CAMKMT: variants seen among roughly 807,000 people sequenced by gnomAD.
CAMKMT encodes calmodulin-lysine N-methyltransferase.
A neutral mutation model predicts 48.0 loss-of-function variants in CAMKMT; 53 were observed. The ratio of observed to expected loss-of-function variants is 1.10; its 90% CI spans 0.89 to 1.39. CAMKMT has a LOEUF of 1.39. Among genes scored for constraint, CAMKMT ranks in the 40% most tolerant of loss-of-function variants. The pLI is 0.00. For missense variants in CAMKMT, 428 were observed against 402.7 expected, an observed-to-expected ratio of 1.06 and a Z score of -0.54; for synonymous variants, 165 against 152.3, an observed-to-expected ratio of 1.08 and a Z score of -0.61.
intron 3 of CAMKMT, among the ~76,000 whole-genome samples, chr2:44,422,339 T>C (rs1225116355): frequency 6.6e-6 from 1 of 152,232 alleles, no homozygotes; most frequent in East Asian, 1.9e-4. Context: ...GGTATTTCTT[T>C]ATAGCAATGC....
intron 3 of CAMKMT, among the ~76,000 whole-genome samples, chr2:44,508,257 G>A (rs1670360965): frequency 6.6e-6 from 1 of 152,150 alleles, no homozygotes. Flanking sequence ...CATGAGAGTT[G>A]CCTAATTTGC....
intron 3 of CAMKMT, among the ~76,000 whole-genome samples, chr2:44,445,645 G>GTTTTTTTTTTTT (rs869258613): frequency 3.0e-5 from 3 of 101,430 alleles, no homozygotes; most frequent in East Asian, 4.3e-4. Flanking sequence ...CAAAAGGGTA[G>GTTTTTTTTTTTT]TTTTTTTTTT....
At chr2:44,428,441 A>G (rs980957400) in intron 3 of CAMKMT, among the ~76,000 whole-genome samples, 2 of 152,168 alleles carry the variant, frequency 1.3e-5, no homozygotes, top group Non-Finnish European at 2.9e-5. Context: ...TTTTATGGGC[A>G]CATGATAGGA....
intron 10 of CAMKMT, among the ~76,000 whole-genome samples, chr2:44,770,253 C>T (rs1318339444): frequency 1.3e-5 from 2 of 152,162 alleles, no homozygotes; most frequent in African/African-American, 4.8e-5. Context: ...AGAAATGATC[C>T]AGGGCTGGGT....
intron 2 of CAMKMT, among the ~76,000 whole-genome samples, chr2:44,384,997 T>G (rs1343618391): frequency 6.6e-6 from 1 of 152,176 alleles, no homozygotes; most frequent in Non-Finnish European, 1.5e-5. Context: ...TTTAGAATTG[T>G]TTTTTCTAAT....
intron 3 of CAMKMT, 123 bp downstream of exon 3, chr2:44,390,428 A>T (rs1264205521): frequency 1.5e-5 from 9 of 603,822 alleles, no homozygotes; most frequent in Admixed American, 3.9e-5. Context: ...TGTATATATA[A>T]TAGAAAGTTT....
At chr2:44,456,871 CTT>C in intron 3 of CAMKMT, 1 of 356,580 alleles carries the variant, frequency 2.8e-6, no homozygotes, top group Non-Finnish European at 5.0e-6. Flanking sequence ...GATACTAACT[CTT>C]AACTCATTCA....
At chr2:44,520,312 C>A (rs914329610) in intron 3 of CAMKMT, among the ~76,000 whole-genome samples, 1 of 152,072 alleles carries the variant, frequency 6.6e-6, no homozygotes, top group Non-Finnish European at 1.5e-5. Context: ...TAGTCTAGAA[C>A]TACTACCCTC....
intron 3 of CAMKMT, among the ~76,000 whole-genome samples, chr2:44,409,183 GTATATT>G (rs1683018023): frequency 3.1e-4 from 4 of 12,998 alleles, no homozygotes; most frequent in Non-Finnish European, 3.3e-4. Context: ...ATATATATAT[GTATATT>G]GCTACATAAA....
Position 44,390,291 on chromosome 2 carries a change from A to G in CAMKMT, c.362A>G (p.Asn121Ser), listed in dbSNP as rs1291876202. The G allele has an allele frequency of 1.6e-5, 25 of 1,606,696 alleles. No individual in the cohort carries two copies. Among genetic ancestry groups the G allele is most frequent in the Non-Finnish European group, 2.1e-5 (25 of 1,175,832 alleles). The stretch of plus-strand genomic sequence containing the variant: ...GAAGATGTCCTTACCAGCTTTGACA[A>G]TACAGGAAATGTTTGTAAGTTATAC... ...NVEDVLTSFD[N>S]TGNVCIWPSE... Residue 121 changes from asparagine to serine, a missense_variant, in exon 3 of 11, where the codon AAT (asparagine) becomes AGT (serine). Physicochemically the swap from Asn to Ser is conservative, Grantham distance 46 (BLOSUM62 1). Coordinates refer to ENST00000378494, the MANE Select transcript of CAMKMT (RefSeq NM_024766.5).
chr2:44,623,514 C>T (rs929284382), intron 3 of CAMKMT, among the ~76,000 whole-genome samples: 2 of 151,978 alleles, frequency 1.3e-5, no homozygotes, highest in African/African-American at 4.8e-5. Context: ...ATGGTGATAG[C>T]TAGGGGGCCA....
At chr2:44,745,977 G>A (rs994281273) in intron 8 of CAMKMT, among the ~76,000 whole-genome samples, 9 of 152,164 alleles carry the variant, frequency 5.9e-5, no homozygotes, top group South Asian at 2.1e-4. Flanking sequence ...CAGGCAAACC[G>A]TGCTACATAT....
At chr2:44,764,396 AATT>A (rs928972530) in intron 9 of CAMKMT, among the ~76,000 whole-genome samples, 1 of 151,962 alleles carries the variant, frequency 6.6e-6, no homozygotes, top group African/African-American at 2.4e-5. Flanking sequence ...TAATCTTTCT[AATT>A]ATTTTCACAT....
At chr2:44,519,959 C>T (rs1041634501) in intron 3 of CAMKMT, among the ~76,000 whole-genome samples, 37 of 151,972 alleles carry the variant, frequency 2.4e-4, no homozygotes, top group Non-Finnish European at 4.4e-4. Context: ...TGCCTGTAAT[C>T]CCAGCACTTT....
intron 3 of CAMKMT, among the ~76,000 whole-genome samples, chr2:44,460,217 A>C (rs1279093921): frequency 6.6e-6 from 1 of 152,210 alleles, no homozygotes; most frequent in East Asian, 1.9e-4. Context: ...AAAAAAAGCC[A>C]TGGCTACCTT....
At chr2:44,630,136 G>A (rs1395634083) in intron 3 of CAMKMT, among the ~76,000 whole-genome samples, 1 of 151,992 alleles carries the variant, frequency 6.6e-6, no homozygotes, top group South Asian at 2.1e-4. Flanking sequence ...AGAAAAATAA[G>A]CAATGCGGAA....
intron 10 of CAMKMT, among the ~76,000 whole-genome samples, chr2:44,768,631 G>A (rs976534298): frequency 6.6e-5 from 10 of 152,136 alleles, no homozygotes; most frequent in Non-Finnish European, 1.0e-4. Context: ...GAAGGCGGAG[G>A]CCCAAGGCAG....
At chr2:44,706,389 G>C in intron 5 of CAMKMT, 48 bp downstream of exon 5, 1 of 1,591,108 alleles carries the variant, frequency 6.3e-7, no homozygotes, top group Non-Finnish European at 8.6e-7. Flanking sequence ...GGAACAAAAG[G>C]AAAAATGTTC....
At chr2:44,704,513 CAT>C (rs1460538667) in intron 4 of CAMKMT, among the ~76,000 whole-genome samples, 170 bp downstream of exon 4, 2 of 152,098 alleles carry the variant, frequency 1.3e-5, no homozygotes, top group Non-Finnish European at 2.9e-5. Flanking sequence ...ACAGTGAACA[CAT>C]GTTGCTTCTC....
Sources: allele counts gnomAD v4.1 joint callset (sites outside exome capture counted in the v4.1 genomes callset), GRCh38; gene constraint gnomAD v4.1.1; transcripts MANE v1.5; gene names NCBI Gene and HGNC (gene_info 2026-07-23, HGNC 2026-07-21).